ALCAM: variants seen among roughly 807,000 people sequenced by gnomAD.
ALCAM encodes activated leukocyte cell adhesion molecule, also known as CD166 antigen.
Under a neutral mutation model 70.9 loss-of-function variants are expected in ALCAM, and 30 were observed. The observed-to-expected ratio is 0.42, with a 90% CI of 0.32 to 0.57. The LOEUF is 0.57. ALCAM is among the 20% of genes least tolerant of loss of function. The pLI, the probability that ALCAM is intolerant of heterozygous loss-of-function variation, is 0.11. For missense variants in ALCAM, 591 were observed against 695.1 expected (o/e 0.85, Z 1.68); for synonymous variants, 249 against 242.5 (o/e 1.03, Z -0.25).
intron 1 of ALCAM, among the ~76,000 whole-genome samples, chr3:105,420,320 A>G (rs1936615841): frequency 6.6e-6 from 1 of 151,660 alleles, no homozygotes; most frequent in Non-Finnish European, 1.5e-5. Context: ...TGAAATAAAG[A>G]ACATTACTTA....
chr3:105,455,443 A>C lies in ALCAM; in HGVS notation c.74-64624A>C, dbSNP rs1338446782. Among the ~76,000 whole-genome samples, 68 of 17,990 alleles carry C rather than the reference A, an allele frequency of 3.8e-3. No homozygotes were observed. In the East Asian group the frequency reaches 0.12, roughly 32 times the overall value. 11.8% of individuals were successfully genotyped at this position (17,990 alleles called of 152,430 possible). A position where few individuals can be genotyped will look rare whatever the true frequency, so the allele number is the denominator to read the frequency against. On this transcript the variant is annotated intron_variant, in intron 1 of 15. Transcript: ENST00000306107. The stretch of plus-strand genomic sequence containing the variant: ...GGCGACAGAGTGCGACACCGTCTCA[A>C]AAAAAAAAAAAAAAAGAGAAAAGAA...
At chr3:105,455,351 A>G (rs1576174412) in intron 1 of ALCAM, among the ~76,000 whole-genome samples, 1 of 151,108 alleles carries the variant, frequency 6.6e-6, no homozygotes, top group Admixed American at 6.6e-5. Flanking sequence ...CTGAGGCAGG[A>G]GAATGGTGTG....
intron 14 of ALCAM, among the ~76,000 whole-genome samples, chr3:105,568,149 GCCT>G (rs988148484): frequency 6.8e-6 from 1 of 147,682 alleles, no homozygotes; most frequent in African/African-American, 2.5e-5. Context: ...TGCAACCTCT[GCCT>G]CCTGGGTTCA....
At chr3:105,390,092 G>T (rs533824690) in intron 1 of ALCAM, among the ~76,000 whole-genome samples, 15 of 151,842 alleles carry the variant, frequency 9.9e-5, no homozygotes, top group Non-Finnish European at 2.1e-4. Context: ...TATTCCCGTG[G>T]GTGTATACCC....
intron 1 of ALCAM, among the ~76,000 whole-genome samples, chr3:105,484,119 A>G (rs2152608512): frequency 6.6e-6 from 1 of 152,076 alleles, no homozygotes; most frequent in South Asian, 2.1e-4. Context: ...GCAATTTCCT[A>G]ACAAAAGTAG....
chr3:105,467,473 G>A (rs1414389311), intron 1 of ALCAM, among the ~76,000 whole-genome samples: 1 of 151,116 alleles, frequency 6.6e-6, no homozygotes, highest in African/African-American at 2.4e-5. Flanking sequence ...AATGTGAGAG[G>A]CACACAGGGA....
intron 8 of ALCAM, among the ~76,000 whole-genome samples, chr3:105,544,294 A>C (rs1302817628): frequency 6.6e-6 from 1 of 151,610 alleles, no homozygotes; most frequent in African/African-American, 2.4e-5. Flanking sequence ...AGTTTTCCTT[A>C]CATCTTCCCC....
At position 105,367,111 on chromosome 3, in the gene ALCAM, T is replaced by G; in HGVS notation, c.-298T>G. ...CAGCGAAAAGAACCGCTTACACCTT[T>G]CCGAATTACTCAAGTGTCTCCTGGA... On this transcript the variant is annotated 5_prime_UTR_variant, in exon 1 of 16. Coordinates refer to ENST00000306107, the MANE Select transcript of ALCAM (RefSeq NM_001627.4). The G allele has an allele frequency of 2.5e-6, 1 of 397,164 alleles. No homozygotes were observed. The highest frequency in any genetic ancestry group is 4.7e-6 in the Non-Finnish European group (1 of 213,118). 24.6% of individuals were successfully genotyped at this position (397,164 alleles called of 1,614,324 possible).
chr3:105,467,694 T>A (rs1937787356), intron 1 of ALCAM, among the ~76,000 whole-genome samples: 1 of 151,250 alleles, frequency 6.6e-6, no homozygotes, highest in Non-Finnish European at 1.5e-5. Flanking sequence ...GTTTCTACAT[T>A]TTCATGTTGG....
rs74956626 is a variant in ALCAM at position 105,516,413 on chromosome 3, G to A, written c.74-3654G>A. On this transcript the variant is annotated intron_variant, in intron 1 of 15. Transcript: ENST00000306107. ...CATTTTCTATACAAAACATATTACTGTAACTAGCTTATATTTTATCGTCAC... is the reference window on the plus strand; with the variant it reads ...CATTTTCTATACAAAACATATTACTATAACTAGCTTATATTTTATCGTCAC... Among the ~76,000 whole-genome samples the A allele has an allele frequency of 4.2e-3, 634 of 151,976 alleles. 2 individuals carry two copies. Among genetic ancestry groups the A allele is most frequent in the African/African-American group, 0.015 (610 of 41,512 alleles).
intron 1 of ALCAM, among the ~76,000 whole-genome samples, chr3:105,417,566 T>C (rs949533488): frequency 2.0e-5 from 3 of 151,808 alleles, no homozygotes; most frequent in African/African-American, 7.2e-5. Context: ...CTACCTCTGG[T>C]ACTTTGAACA....
At chr3:105,483,566 A>G (rs1325512802) in intron 1 of ALCAM, among the ~76,000 whole-genome samples, 1 of 152,132 alleles carries the variant, frequency 6.6e-6, no homozygotes, top group Non-Finnish European at 1.5e-5. Flanking sequence ...TGCCTGTAAA[A>G]TGTCTGTGAA....
At chr3:105,545,630 A>G (rs930711247) in intron 9 of ALCAM, among the ~76,000 whole-genome samples, 2 of 151,506 alleles carry the variant, frequency 1.3e-5, no homozygotes, top group Non-Finnish European at 3.0e-5. Flanking sequence ...ACATAGTTAT[A>G]TACCACAGGG....
intron 1 of ALCAM, among the ~76,000 whole-genome samples, chr3:105,419,566 A>G (rs1395935151): frequency 6.6e-6 from 1 of 151,780 alleles, no homozygotes; most frequent in African/African-American, 2.4e-5. Flanking sequence ...TTCAACAGTC[A>G]TTTTGACAGG....
At chr3:105,486,340 G>A (rs927398779) in intron 1 of ALCAM, among the ~76,000 whole-genome samples, 1 of 152,098 alleles carries the variant, frequency 6.6e-6, no homozygotes, top group Non-Finnish European at 1.5e-5. Context: ...TATTTGAGGT[G>A]TTGTAGCACT....
chr3:105,495,902 T>C (rs1417787909), intron 1 of ALCAM, among the ~76,000 whole-genome samples: 1 of 152,226 alleles, frequency 6.6e-6, no homozygotes, highest in Non-Finnish European at 1.5e-5. Flanking sequence ...TTTCCCTCTC[T>C]TGTTTTTTCT....
rs557199448 is a variant in ALCAM, at chr3:105,541,557, A to G, written c.859-76A>G. 779 of 1,467,768 alleles carry G rather than the reference A, an allele frequency of 5.3e-4. 8 individuals are homozygous for G. The Middle Eastern group carries it at 0.012, about 23-fold the overall frequency. 90.9% of individuals were successfully genotyped at this position (1,467,768 alleles called of 1,614,324 possible). ...TTTTTATCTTACTTGATAAAATGCT[A>G]TCTTCATCAAGAAATACAACTGTTC... On this transcript the variant is annotated intron_variant, in intron 7 of 15. Coordinates refer to ENST00000306107, the MANE Select transcript of ALCAM (RefSeq NM_001627.4).
intron 1 of ALCAM, among the ~76,000 whole-genome samples, chr3:105,480,709 GT>G (rs1938248109): frequency 6.6e-6 from 1 of 152,054 alleles, no homozygotes; most frequent in South Asian, 2.1e-4. Context: ...CTAGACTTTA[GT>G]TTTTTTAAGC....
intron 1 of ALCAM, among the ~76,000 whole-genome samples, chr3:105,471,602 GT>G (rs71111362): frequency 0.4 from 60,258 of 150,868 alleles, 12,649 homozygotes; most frequent in Admixed American, 0.53. Flanking sequence ...TTCATTTTGT[GT>G]TTTTTAATGA....
Sources: gnomAD v4.1 joint callset for allele counts (sites outside exome capture counted in the v4.1 genomes callset) on GRCh38, gnomAD v4.1.1 for gene constraint, MANE v1.5 for transcripts, NCBI Gene and HGNC (gene_info 2026-07-23, HGNC 2026-07-21) for gene names.